The following ETFBKMT variants were observed in gnomAD, a reference collection of about 807,000 sequenced individuals.
ETFBKMT encodes electron transfer flavoprotein beta subunit lysine methyltransferase.
In ETFBKMT, 13 loss-of-function variants were observed where a neutral mutation model predicts 18.3. The observed-to-expected ratio is 0.71, with a 90% confidence interval of 0.46 to 1.13. The LOEUF is 1.13. Among genes scored for constraint, ETFBKMT ranks in the 50% most tolerant of loss-of-function variants. ETFBKMT has a pLI of 0.00. For missense variants in ETFBKMT, 293 were observed against 306.2 expected (o/e 0.96, Z 0.32); for synonymous variants, 84 against 107.9 (o/e 0.78, Z 1.37).
chr12:31,666,328 G>A (rs75048934), intron 3 of ETFBKMT, 111 bp downstream of exon 3: 89,257 of 1,172,650 alleles, frequency 0.076, 4,348 homozygotes, highest in East Asian at 0.19. Flanking sequence ...TTTGTGATTG[G>A]ACATTGTGAA....
intron 1 of ETFBKMT, among the ~76,000 whole-genome samples, chr12:31,660,552 T>TG (rs1174436541): frequency 6.6e-6 from 1 of 152,222 alleles, no homozygotes; most frequent in Non-Finnish European, 1.5e-5. Flanking sequence ...CAAATCTTAG[T>TG]GATCAATTGC....
intron 1 of ETFBKMT, among the ~76,000 whole-genome samples, chr12:31,650,927 G>A (rs4931535): frequency 0.21 from 31,386 of 151,960 alleles, 3,412 homozygotes; most frequent in East Asian, 0.38. Context: ...AGGAAGAAAC[G>A]TTTACTAGGG....
At chr12:31,661,406 A>G (rs1951121093) in intron 1 of ETFBKMT, among the ~76,000 whole-genome samples, 1 of 152,224 alleles carries the variant, frequency 6.6e-6, no homozygotes, top group Non-Finnish European at 1.5e-5. Flanking sequence ...TGATGCACCA[A>G]AGCTTTCATC....
Position 31,667,650 on chromosome 12 carries a change from C to A in ETFBKMT, c.449C>A (p.Ala150Glu). 1 of 1,570,114 alleles carries A rather than the reference C, an allele frequency of 6.4e-7. No individual in the cohort carries two copies. The highest frequency in any genetic ancestry group is 8.6e-7 in the Non-Finnish European group (1 of 1,158,684). Residue 150 changes from alanine to glutamate, a missense_variant, in exon 4 of 4, where the codon GCA becomes GAA. Physicochemically the swap from Ala to Glu is moderately radical, Grantham distance 107. Coordinates refer to ENST00000357721, the MANE Select transcript of ETFBKMT (RefSeq NM_001135863.2). ...TTGTGCTTTTTTTTTTTTTAAGTTG[C>A]AGGAATGGCTATTACACTAAATTGT... Reference protein sequence around the residue: ...RILANDIDPIAGMAITLNCEL... With the variant: ...RILANDIDPIEGMAITLNCEL...
chr12:31,663,183 C>T (rs530306690), intron 2 of ETFBKMT, among the ~76,000 whole-genome samples: 1 of 151,460 alleles, frequency 6.6e-6, no homozygotes, highest in East Asian at 2.0e-4. Context: ...AGCCCCGCCT[C>T]CCGGGTTCAC....
Position 31,662,248 on chromosome 12 carries a change from G to C in ETFBKMT, c.295G>C (p.Gly99Arg). The change falls in exon 2 of 4, where the codon GGA becomes CGA. Residue 99 changes from glycine to arginine, a missense_variant. Gly to Arg is a moderately radical substitution (Grantham distance 125, BLOSUM62 -2). Transcript: ENST00000357721. ...TCCTTACTGGGCAATCTACTGGCCA[G>C]GAGGCCAAGCCCTGTCTAGGTACTA... is the stretch of plus-strand genomic sequence containing the variant. ...SDPYWAIYWP[G>R]GQALSRYLLD... is the part of the protein sequence containing the mutation. 1 of 1,614,148 alleles carries C rather than the reference G, an allele frequency of 6.2e-7. No individual in the cohort carries two copies. The highest frequency in any genetic ancestry group is 8.5e-7 in the Non-Finnish European group (1 of 1,180,020).
chr12:31,664,055 G>A (rs756862584), intron 2 of ETFBKMT, among the ~76,000 whole-genome samples: 5 of 150,658 alleles, frequency 3.3e-5, no homozygotes, highest in Non-Finnish European at 5.9e-5. Context: ...TATCTTGTAT[G>A]CTTTGCTTTT....
intron 1 of ETFBKMT, chr12:31,660,956 TTG>T (rs1408222325): frequency 2.0e-5 from 3 of 152,228 alleles, no homozygotes; most frequent in Admixed American, 6.5e-5. Context: ...CATGCCTACT[TTG>T]TTAAATTTAT....
At chr12:31,663,756 T>C (rs970676256) in intron 2 of ETFBKMT, among the ~76,000 whole-genome samples, 1 of 152,214 alleles carries the variant, frequency 6.6e-6, no homozygotes, top group Non-Finnish European at 1.5e-5. Context: ...ATATGTTTTT[T>C]CCTCACTTGC....
chr12:31,655,304 T>C (rs1334046150), upstream of ETFBKMT, among the ~76,000 whole-genome samples: 1 of 152,116 alleles, frequency 6.6e-6, no homozygotes, highest in Non-Finnish European at 1.5e-5. Context: ...ATTAGCCAGA[T>C]CCCTACAAAA....
chr12:31,657,244 T>TA (rs1951069559), upstream of ETFBKMT, among the ~76,000 whole-genome samples: 1 of 152,126 alleles, frequency 6.6e-6, no homozygotes, highest in East Asian at 1.9e-4. Context: ...GTATTTAAAG[T>TA]AAAAAAATCA....
chr12:31,656,528 AAC>A (rs748983494), upstream of ETFBKMT, among the ~76,000 whole-genome samples: 5 of 152,290 alleles, frequency 3.3e-5, no homozygotes, highest in Admixed American at 6.5e-5. Flanking sequence ...AGCAAGGGAG[AAC>A]ACAGATAGCC....
chr12:31,672,541 ATGG>A lies in ETFBKMT; in HGVS notation c.*4553_*4555del, dbSNP rs1951301801. On this transcript the variant is annotated 3_prime_UTR_variant, in exon 4 of 4. Coordinates refer to ENST00000357721, the MANE Select transcript of ETFBKMT (RefSeq NM_001135863.2). ...CAACTAACTCACTAATAATTAATTAATGGTAGCCCTCACTATTATTAGGTGTAG... is the reference window on the plus strand; with the variant it reads ...CAACTAACTCACTAATAATTAATTAATAGCCCTCACTATTATTAGGTGTAG... 1.8e-6 allele frequency: 1 copy of A among 569,336 alleles called. No homozygotes were observed. Among genetic ancestry groups the A allele is most frequent in the Non-Finnish European group, 3.1e-6 (1 of 318,798 alleles). 35.3% of individuals were successfully genotyped at this position (569,336 alleles called of 1,614,324 possible). A position where few individuals can be genotyped will look rare whatever the true frequency, so the allele number is the denominator to read the frequency against.
At chr12:31,653,532 A>G (rs1406508595) in intron 1 of ETFBKMT, among the ~76,000 whole-genome samples, 1 of 152,238 alleles carries the variant, frequency 6.6e-6, no homozygotes, top group Admixed American at 6.5e-5. Context: ...AATTGAAAAA[A>G]GGAAACACAC....
Position 31,672,460 on chromosome 12 carries a change from AATT to A in ETFBKMT, c.*4476_*4478del, listed in dbSNP as rs545750704. 5.9e-5 allele frequency: 56 copies of A among 952,444 alleles called. 1 individual carries two copies. The highest frequency in any genetic ancestry group is 8.6e-5 in the Non-Finnish European group (52 of 606,392). The allele number at this position is 952,444 out of a possible 1,614,324, so 59.0% of individuals were successfully genotyped here. A position where few individuals can be genotyped will look rare whatever the true frequency, so the allele number is the denominator to read the frequency against. On this transcript the variant is annotated 3_prime_UTR_variant, in exon 4 of 4. Coordinates refer to ENST00000357721, the MANE Select transcript of ETFBKMT (RefSeq NM_001135863.2). ...CTCATGTCTAACTGGAGGTGATGTTAATTATTATACAGTTATTTAAAGGATTAA... is the reference window on the plus strand; with the variant it reads ...CTCATGTCTAACTGGAGGTGATGTTAATTATACAGTTATTTAAAGGATTAA...
rs922021627 is a variant in ETFBKMT, at chr12:31,669,741, A to C, written c.*1751A>C. The C allele has an allele frequency of 6.6e-6, 1 of 152,238 alleles. No individual in the cohort carries two copies. The highest frequency in any genetic ancestry group is 1.5e-5 in the Non-Finnish European group (1 of 68,060). The allele number at this position is 152,238 out of a possible 1,614,324, so 9.4% of individuals were successfully genotyped here. ...TGTGAATTGGGCAGCTCCCAAAAGC[A>C]GAATAGGTTCAGAGTGACTGCAGGG... On this transcript the variant is annotated 3_prime_UTR_variant, in exon 4 of 4. Transcript: ENST00000357721.
intron 1 of ETFBKMT, among the ~76,000 whole-genome samples, chr12:31,653,421 A>T (rs199532964): frequency 7.3e-6 from 1 of 136,596 alleles, no homozygotes; most frequent in Non-Finnish European, 1.6e-5. Flanking sequence ...TGAGGATTCT[A>T]GTGTCAGTTG....
chr12:31,661,579 A>T (rs1044530095), intron 1 of ETFBKMT, among the ~76,000 whole-genome samples: 1 of 151,914 alleles, frequency 6.6e-6, no homozygotes, highest in African/African-American at 2.4e-5. Flanking sequence ...GGGTTCAAGC[A>T]ATTCTCAAGT....
chr12:31,649,369 G>C (rs1950996613), intron 1 of ETFBKMT, among the ~76,000 whole-genome samples: 1 of 152,182 alleles, frequency 6.6e-6, no homozygotes, highest in South Asian at 2.1e-4. Context: ...CTCAATGAAA[G>C]AGTCAGTCAC....
Sources: gnomAD v4.1 joint callset for allele counts (sites outside exome capture counted in the v4.1 genomes callset) on GRCh38, gnomAD v4.1.1 for gene constraint, MANE v1.5 for transcripts, NCBI Gene and HGNC (gene_info 2026-07-23, HGNC 2026-07-21) for gene names.